PTPN13: variants seen among roughly 807,000 people sequenced by gnomAD.
PTPN13 encodes tyrosine-protein phosphatase non-receptor type 13.
Under a neutral mutation model 284.0 loss-of-function variants are expected in PTPN13, and 191 were observed. The observed-to-expected ratio is 0.67, with a 90% CI of 0.60 to 0.76. The LOEUF is 0.76. Ranked by LOEUF, PTPN13 falls within the 30% of genes least tolerant of loss-of-function variation. PTPN13 has a pLI of 0.00. For synonymous variants in PTPN13, 986 were observed against 1,022.3 expected, an observed-to-expected ratio of 0.96 and a Z score of 0.68; for missense variants, 2,797 against 2,939.9, an observed-to-expected ratio of 0.95 and a Z score of 1.12.
chr4:86,812,124 A>C lies in PTPN13; in HGVS notation c.7362+1016A>C, dbSNP rs529101137. 1.7e-3 allele frequency among the ~76,000 whole-genome samples: 263 copies of C among 151,548 alleles called. 1 individual carries two copies. The highest frequency in any genetic ancestry group is 3.9e-3 in the African/African-American group (160 of 41,304). On this transcript the variant is annotated intron_variant, in intron 47 of 47. Transcript: ENST00000411767. ...AGGAGATCGAGACCATCCCGGCTAA[A>C]ACGGTGAAACCCCGTCTCTACTAAA...
chr4:86,788,670 T>C (rs1435867148), intron 40 of PTPN13, among the ~76,000 whole-genome samples: 1 of 152,192 alleles, frequency 6.6e-6, no homozygotes, highest in East Asian at 1.9e-4. Flanking sequence ...GCTAATCGTA[T>C]ACATTACTAT....
intron 33 of PTPN13, 90 bp from the exon 34 acceptor site, chr4:86,775,081 A>T: frequency 1.1e-6 from 1 of 907,978 alleles, no homozygotes; most frequent in Non-Finnish European, 1.6e-6. Context: ...TATATATTAT[A>T]AATTAGGAGG....
chr4:86,764,331 A>C (rs1739038007), intron 24 of PTPN13, among the ~76,000 whole-genome samples: 1 of 152,086 alleles, frequency 6.6e-6, no homozygotes, highest in Non-Finnish European at 1.5e-5. Context: ...CAGTTTCCTC[A>C]ACCATAAAAT....
At chr4:86,718,656 G>A (rs1733301129) in intron 9 of PTPN13, among the ~76,000 whole-genome samples, 1 of 151,994 alleles carries the variant, frequency 6.6e-6, no homozygotes, top group Non-Finnish European at 1.5e-5. Context: ...TCACCATTTT[G>A]GCCAGGCTGG....
chr4:86,650,517 C>G lies in PTPN13; in HGVS notation c.115+15146C>G, dbSNP rs149586215. Among the ~76,000 whole-genome samples the G allele has an allele frequency of 5.3e-3, 807 of 152,170 alleles. 6 individuals are homozygous for G. Among genetic ancestry groups the G allele is most frequent in the African/African-American group, 0.019 (769 of 41,524 alleles). On this transcript the variant is annotated intron_variant, in intron 2 of 47. Coordinates refer to ENST00000411767, the MANE Select transcript of PTPN13 (RefSeq NM_080683.3). ...CAGAGAAGGGGTTTCACCATGTTGCCCAGGCTATCCACCTGCCTCAGACTA... is the reference window on the plus strand; with the variant it reads ...CAGAGAAGGGGTTTCACCATGTTGCGCAGGCTATCCACCTGCCTCAGACTA...
Position 86,732,729 on chromosome 4 carries a change from A to G in PTPN13, c.1821A>G (p.Leu607=). 1 of 1,613,384 alleles carries G rather than the reference A, an allele frequency of 6.2e-7. No homozygotes were observed. Among genetic ancestry groups the G allele is most frequent in the Non-Finnish European group, 8.5e-7 (1 of 1,179,584 alleles). Residue 607 remains leucine (L), a synonymous_variant, in exon 12 of 48, where the codon TTA becomes TTG. Coordinates refer to ENST00000411767, the MANE Select transcript of PTPN13 (RefSeq NM_080683.3). ...ATATGGTTGTGGCACATATTGGCTTAGTAGAGCATCATTTGTTTGCTTTAG... is the reference window on the plus strand; with the variant it reads ...ATATGGTTGTGGCACATATTGGCTTGGTAGAGCATCATTTGTTTGCTTTAG... ...VFDMVVAHIG[L]VEHHLFALAT... is the part of the protein sequence containing the mutation.
intron 46 of PTPN13, among the ~76,000 whole-genome samples, chr4:86,810,669 G>C (rs1745127200): frequency 6.6e-6 from 1 of 152,110 alleles, no homozygotes; most frequent in South Asian, 2.1e-4. Flanking sequence ...ACTGTTCAAT[G>C]TCAGCTGAAG....
chr4:86,612,800 CAAG>C (rs576599049), intron 1 of PTPN13, among the ~76,000 whole-genome samples: 36 of 152,118 alleles, frequency 2.4e-4, no homozygotes, highest in Middle Eastern at 3.2e-3. Context: ...ATAGTGCAAA[CAAG>C]AAGAAGGCAT....
chr4:86,680,438 C>G (rs1304349763), intron 3 of PTPN13, among the ~76,000 whole-genome samples: 1 of 151,770 alleles, frequency 6.6e-6, no homozygotes, highest in Admixed American at 6.6e-5. Flanking sequence ...TGGTTCCTCC[C>G]TTTTCACATA....
At chr4:86,721,397 A>G (rs557787168) in intron 9 of PTPN13, among the ~76,000 whole-genome samples, 1 of 152,258 alleles carries the variant, frequency 6.6e-6, no homozygotes, top group East Asian at 1.9e-4. Context: ...AGAGTTGTGA[A>G]CAACACAGAA....
chr4:86,782,363 T>A, intron 37 of PTPN13, 101 bp downstream of exon 37: 1 of 1,102,514 alleles, frequency 9.1e-7, no homozygotes, highest in African/African-American at 1.6e-5. Flanking sequence ...ATATTTGTCT[T>A]CTTTAGATAT....
rs1234545220 is a variant in PTPN13 at position 86,815,077 on chromosome 4, ATC to A, written c.*528_*529del. On this transcript the variant is annotated 3_prime_UTR_variant, in exon 48 of 48. Coordinates refer to ENST00000411767, the MANE Select transcript of PTPN13 (RefSeq NM_080683.3). ...TTTCATGAAAATGGAGTTATCAGTT[ATC>A]TGTTTGTTACTGCATCATCTGTTTG... The A allele has an allele frequency of 6.5e-6, 1 of 152,744 alleles. No individual in the cohort carries two copies. Among genetic ancestry groups the A allele is most frequent in the Non-Finnish European group, 1.5e-5 (1 of 68,104 alleles). 9.5% of individuals were successfully genotyped at this position (152,744 alleles called of 1,614,324 possible).
chr4:86,715,043 G>A lies in PTPN13; in HGVS notation c.1196-1487G>A, dbSNP rs544134422. Among the ~76,000 whole-genome samples the A allele has an allele frequency of 6.2e-4, 95 of 152,220 alleles. 1 individual carries two copies. The Middle Eastern group carries it at 0.014, about 22-fold the overall frequency. On this transcript the variant is annotated intron_variant, in intron 7 of 47. Transcript: ENST00000411767. ...ATTCAGGTAAAGAAGAAGGGGAAGA[G>A]CGGTGTTTCTAACAGAAGGTATCCT... is the stretch of plus-strand genomic sequence containing the variant.
At chr4:86,633,734 A>G (rs1467364865) in intron 1 of PTPN13, among the ~76,000 whole-genome samples, 2 of 152,170 alleles carry the variant, frequency 1.3e-5, no homozygotes, top group Non-Finnish European at 2.9e-5. Flanking sequence ...GAAACTTCCA[A>G]TTTATCAATA....
intron 7 of PTPN13, among the ~76,000 whole-genome samples, chr4:86,705,847 A>G (rs1398308996): frequency 1.3e-5 from 2 of 152,118 alleles, no homozygotes; most frequent in East Asian, 1.9e-4. Context: ...AAAAGGATGT[A>G]TTCTCACATT....
At chr4:86,658,840 G>A (rs981911345) in intron 2 of PTPN13, among the ~76,000 whole-genome samples, 3 of 152,076 alleles carry the variant, frequency 2.0e-5, no homozygotes, top group Admixed American at 6.5e-5. Flanking sequence ...GTAGATTAAT[G>A]GGATTGGAAA....
intron 40 of PTPN13, among the ~76,000 whole-genome samples, chr4:86,788,760 G>C (rs1295581121): frequency 6.6e-6 from 1 of 152,228 alleles, no homozygotes; most frequent in Non-Finnish European, 1.5e-5. Context: ...AGGGTAAGAA[G>C]AGGTGTTAGG....
At chr4:86,723,161 T>G (rs957081663) in intron 10 of PTPN13, among the ~76,000 whole-genome samples, 3 of 152,244 alleles carry the variant, frequency 2.0e-5, no homozygotes, top group Non-Finnish European at 4.4e-5. Flanking sequence ...ATTATGTGAC[T>G]TTACTGTGTA....
intron 40 of PTPN13, among the ~76,000 whole-genome samples, chr4:86,790,481 A>G (rs779837456): frequency 2.0e-5 from 3 of 152,138 alleles, no homozygotes; most frequent in Non-Finnish European, 4.4e-5. Flanking sequence ...ACACAAATAG[A>G]TATGTAATTA....
Sources: gnomAD v4.1 joint callset for allele counts (sites outside exome capture counted in the v4.1 genomes callset) on GRCh38, gnomAD v4.1.1 for gene constraint, MANE v1.5 for transcripts, NCBI Gene and HGNC (gene_info 2026-07-23, HGNC 2026-07-21) for gene names.